Variants in ATXN1 observed in about 807,000 individuals in gnomAD.
ATXN1 encodes the protein ataxin 1.
In ATXN1, 8 loss-of-function variants were observed where a neutral mutation model predicts 56.4. The observed-to-expected ratio is 0.14, with a 90% CI of 0.08 to 0.26. The LOEUF is 0.26. Among genes scored for constraint, ATXN1 ranks in the 10% least tolerant of loss-of-function variants. The pLI is 1.00. For synonymous variants in ATXN1, 514 were observed against 494.6 expected (o/e 1.04, Z -0.52); for missense variants, 987 against 1,106.5 (o/e 0.89, Z 1.53).
chr6:16,319,608 G>A (rs1760598224), intron 7 of ATXN1, among the ~76,000 whole-genome samples: 1 of 152,202 alleles, frequency 6.6e-6, no homozygotes, highest in South Asian at 2.1e-4. Flanking sequence ...TTAAAAATAA[G>A]GTATCGGTAC....
intron 4 of ATXN1, among the ~76,000 whole-genome samples, chr6:16,543,855 G>T (rs1357595936): frequency 6.8e-6 from 1 of 146,948 alleles, no homozygotes; most frequent in Non-Finnish European, 1.5e-5. Context: ...GATTTGTCCT[G>T]GGAGTACTCA....
At chr6:16,444,145 G>C (rs1247688236) in intron 6 of ATXN1, among the ~76,000 whole-genome samples, 7 of 150,516 alleles carry the variant, frequency 4.7e-5, no homozygotes, top group Non-Finnish European at 7.4e-5. Flanking sequence ...ACACACAATC[G>C]ATCTATATCT....
rs760948902 is a variant in ATXN1 at position 16,345,479 on chromosome 6, C to A, written c.-160-17009G>T. ...TTTGTTGAAACCAGCCTAAATCAAT[C>A]GTAGGAAGGACAAGGAGATCAGCTG... On this transcript the variant is annotated intron_variant, in intron 6 of 7. Coordinates refer to ENST00000436367, the MANE Select transcript of ATXN1 (RefSeq NM_001128164.2). 2.6e-5 allele frequency among the ~76,000 whole-genome samples: 4 copies of A among 152,264 alleles called. No individual in the cohort carries two copies. In the East Asian group the frequency reaches 5.8e-4, roughly 22 times the overall value.
At chr6:16,415,992 A>G (rs895218862) in intron 6 of ATXN1, among the ~76,000 whole-genome samples, 1 of 151,404 alleles carries the variant, frequency 6.6e-6, no homozygotes, top group Non-Finnish European at 1.5e-5. Flanking sequence ...AGAATTATAC[A>G]TGGGCAGCTA....
intron 1 of ATXN1, among the ~76,000 whole-genome samples, chr6:16,754,263 T>A (rs1327009682): frequency 1.3e-5 from 2 of 152,232 alleles, no homozygotes; most frequent in Non-Finnish European, 2.9e-5. Context: ...ATCCCCAAAC[T>A]AGTGAATGCT....
intron 2 of ATXN1, among the ~76,000 whole-genome samples, chr6:16,700,218 A>G (rs1759252865): frequency 1.3e-5 from 2 of 152,188 alleles, no homozygotes; most frequent in South Asian, 4.1e-4. Flanking sequence ...ATGCTGGTCA[A>G]ACTGGCGATC....
intron 4 of ATXN1, among the ~76,000 whole-genome samples, chr6:16,553,866 T>C (rs1761964723): frequency 6.6e-6 from 1 of 152,128 alleles, no homozygotes. Flanking sequence ...GCTTTCTCCT[T>C]CCAGAGATCC....
At chr6:16,323,303 G>A (rs980175621) in intron 7 of ATXN1, among the ~76,000 whole-genome samples, 1 of 152,130 alleles carries the variant, frequency 6.6e-6, no homozygotes, top group Non-Finnish European at 1.5e-5. Flanking sequence ...TGAATCACCT[G>A]AGGTCAGGAG....
In ATXN1 at chr6:16,301,085, CT is replaced by C. The variant is rs60830508; in HGVS notation, c.*5243del. On this transcript the variant is annotated 3_prime_UTR_variant, in exon 8 of 8. Transcript: ENST00000436367. ...ACATGTAACTTTCAACCCTTCTCTG[CT>C]TTTTTTTTTTTACAAACAAAGTATG... The C allele has an allele frequency of 9.1e-4, 133 of 146,402 alleles. No individual in the cohort carries two copies. Among genetic ancestry groups the C allele is most frequent in the South Asian group, 1.5e-3 (7 of 4,612 alleles). 9.1% of individuals were successfully genotyped at this position (146,402 alleles called of 1,614,324 possible). A position where few individuals can be genotyped will look rare whatever the true frequency, so the allele number is the denominator to read the frequency against.
At position 16,299,555 on chromosome 6, in the gene ATXN1, C is replaced by CACA. The variant is rs1454026461; in HGVS notation, c.*6773_*6774insTGT. 6.6e-6 allele frequency: 1 copy of CACA among 152,652 alleles called. No individual in the cohort carries two copies. Among genetic ancestry groups the CACA allele is most frequent in the Non-Finnish European group, 1.5e-5 (1 of 68,058 alleles). 9.5% of individuals were successfully genotyped at this position (152,652 alleles called of 1,614,324 possible). A position where few individuals can be genotyped will look rare whatever the true frequency, so the allele number is the denominator to read the frequency against. On this transcript the variant is annotated 3_prime_UTR_variant, in exon 8 of 8. Coordinates refer to ENST00000436367, the MANE Select transcript of ATXN1 (RefSeq NM_001128164.2). ...ATTCCTTCCCTAGTTCTCCTCTGTA[C>CACA]TGGCCATGTCAGTCTGGTAGTGCCC...
chr6:16,454,169 CG>C (rs1759820465), intron 6 of ATXN1, among the ~76,000 whole-genome samples: 1 of 138,094 alleles, frequency 7.2e-6, no homozygotes, highest in African/African-American at 2.7e-5. Context: ...AGAATTAGAT[CG>C]ATAAATATTT....
At chr6:16,492,063 C>T (rs1270297188) in intron 5 of ATXN1, among the ~76,000 whole-genome samples, 1 of 152,144 alleles carries the variant, frequency 6.6e-6, no homozygotes, top group African/African-American at 2.4e-5. Context: ...CCTGTTGACA[C>T]CTCAATTTCA....
chr6:16,688,552 T>G (rs1217631769), intron 2 of ATXN1, among the ~76,000 whole-genome samples: 3 of 152,194 alleles, frequency 2.0e-5, no homozygotes, highest in African/African-American at 7.2e-5. Context: ...AGTACCTGCT[T>G]AACACTATAG....
intron 4 of ATXN1, among the ~76,000 whole-genome samples, chr6:16,579,407 C>T (rs966287106): frequency 2.1e-5 from 3 of 145,998 alleles, no homozygotes; most frequent in Non-Finnish European, 4.5e-5. Flanking sequence ...GTGGAAGAAA[C>T]CTCTGAGAGC....
At chr6:16,311,431 G>A (rs1298245863) in intron 7 of ATXN1, among the ~76,000 whole-genome samples, 1 of 152,156 alleles carries the variant, frequency 6.6e-6, no homozygotes, top group Non-Finnish European at 1.5e-5. Context: ...CCCCAACAGT[G>A]GTGAATATTG....
At chr6:16,692,015 G>A (rs1177294257) in intron 2 of ATXN1, among the ~76,000 whole-genome samples, 2 of 152,242 alleles carry the variant, frequency 1.3e-5, no homozygotes, top group Admixed American at 6.5e-5. Context: ...TGTAATCCCA[G>A]CACTTTGGGA....
chr6:16,409,062 C>T (rs77724881), intron 6 of ATXN1, among the ~76,000 whole-genome samples: 23,823 of 152,214 alleles, frequency 0.16, 1,945 homozygotes, highest in Non-Finnish European at 0.17. Flanking sequence ...TTCACCTAAA[C>T]TGGTTAAGTA....
intron 3 of ATXN1, among the ~76,000 whole-genome samples, chr6:16,589,171 G>C (rs545850368): frequency 6.6e-6 from 1 of 151,968 alleles, no homozygotes; most frequent in African/African-American, 2.4e-5. Context: ...TGGGAAGTGG[G>C]GGCCCTTTTC....
intron 3 of ATXN1, among the ~76,000 whole-genome samples, chr6:16,635,219 T>C (rs1358377935): frequency 1.3e-5 from 2 of 152,304 alleles, no homozygotes; most frequent in Admixed American, 6.5e-5. Context: ...GATCTGTCAC[T>C]GTCTCCCATC....
Sources: gnomAD v4.1 joint callset for allele counts (sites outside exome capture counted in the v4.1 genomes callset) on GRCh38, gnomAD v4.1.1 for gene constraint, MANE v1.5 for transcripts, NCBI Gene and HGNC (gene_info 2026-07-23, HGNC 2026-07-21) for gene names.